Variants in CA10 observed in about 807,000 individuals in gnomAD.
CA10 encodes carbonic anhydrase-related protein 10.
Under a neutral mutation model 44.2 loss-of-function variants are expected in CA10, and 14 were observed. The ratio of observed to expected loss-of-function variants is 0.32; its 90% CI spans 0.21 to 0.50. The LOEUF is 0.50. Among genes scored for constraint, CA10 ranks in the 20% least tolerant of loss-of-function variants. The pLI is 0.99. For missense variants in CA10, 350 were observed against 409.7 expected, an observed-to-expected ratio of 0.85 and a Z score of 1.26; for synonymous variants, 159 against 141.6, an observed-to-expected ratio of 1.12 and a Z score of -0.87.
chr17:51,685,298 C>G (rs557368979), intron 4 of CA10, among the ~76,000 whole-genome samples: 264 of 152,242 alleles, frequency 1.7e-3, no homozygotes, highest in African/African-American at 6.1e-3. Context: ...TTGAGACTCT[C>G]TCTGTGTCAT....
intron 6 of CA10, among the ~76,000 whole-genome samples, chr17:51,643,738 A>C (rs145967120): frequency 1.3e-5 from 2 of 152,208 alleles, no homozygotes; most frequent in Non-Finnish European, 2.9e-5. Context: ...GCATCATAGC[A>C]ACCTGCCTCC....
intron 3 of CA10, among the ~76,000 whole-genome samples, chr17:51,788,190 A>G (rs558426197): frequency 6.6e-6 from 1 of 151,956 alleles, no homozygotes; most frequent in Admixed American, 6.5e-5. Flanking sequence ...TTCCTTCTGA[A>G]TTTCTTTATT....
At chr17:51,961,290 G>A (rs1490138361) in intron 2 of CA10, among the ~76,000 whole-genome samples, 1 of 151,440 alleles carries the variant, frequency 6.6e-6, no homozygotes, top group Non-Finnish European at 1.5e-5. Context: ...TGCATTTAAA[G>A]CTTTAGAGAA....
rs774875297 is a variant in CA10 at position 51,653,754 on chromosome 17, CAAG to C, written c.466-21_466-19del. On this transcript the variant is annotated intron_variant, in intron 4 of 8. Coordinates refer to ENST00000451037, the MANE Select transcript of CA10 (RefSeq NM_020178.5). ...AGCTGCACCTGGCAGGAGGGAAAAA[CAAG>C]AATCAGAACAATAATCCAACATTAA... The C allele has an allele frequency of 1.0e-5, 15 of 1,441,266 alleles. No individual in the cohort carries two copies. The African/African-American group carries it at 1.4e-4, about 13-fold the overall frequency. The allele number at this position is 1,441,266 out of a possible 1,614,324, so 89.3% of individuals were successfully genotyped here. A position where few individuals can be genotyped will look rare whatever the true frequency, so the allele number is the denominator to read the frequency against.
intron 2 of CA10, among the ~76,000 whole-genome samples, chr17:51,990,801 T>C (rs1363225234): frequency 6.6e-6 from 1 of 152,128 alleles, no homozygotes; most frequent in East Asian, 1.9e-4. Flanking sequence ...GGAAGTTCTT[T>C]GTACCCTTAG....
chr17:51,640,452 T>C (rs1393476341), intron 6 of CA10, among the ~76,000 whole-genome samples: 1 of 152,182 alleles, frequency 6.6e-6, no homozygotes, highest in Non-Finnish European at 1.5e-5. Flanking sequence ...CATGTTTCCA[T>C]ACCAAAGACT....
intron 2 of CA10, among the ~76,000 whole-genome samples, chr17:52,063,191 A>AC (rs1987437624): frequency 6.6e-6 from 1 of 152,206 alleles, no homozygotes; most frequent in Admixed American, 6.5e-5. Flanking sequence ...GAGAATGTTT[A>AC]CCTAATGCCT....
intron 1 of CA10, among the ~76,000 whole-genome samples, chr17:52,139,982 C>T (rs1263960404): frequency 6.6e-6 from 1 of 152,106 alleles, no homozygotes; most frequent in Non-Finnish European, 1.5e-5. Flanking sequence ...CCCACCACCA[C>T]CTTCTCTCAA....
chr17:51,918,185 A>T (rs1982080437), intron 3 of CA10, among the ~76,000 whole-genome samples: 1 of 152,246 alleles, frequency 6.6e-6, no homozygotes, highest in Admixed American at 6.5e-5. Flanking sequence ...AAATAGCAAC[A>T]TACTAAGTAT....
At chr17:51,634,400 C>T (rs955173409) in intron 7 of CA10, among the ~76,000 whole-genome samples, 1 of 152,164 alleles carries the variant, frequency 6.6e-6, no homozygotes, top group African/African-American at 2.4e-5. Context: ...TCAAATTGTT[C>T]AAATGGTGGT....
At chr17:52,058,172 G>T (rs1223050259) in intron 2 of CA10, among the ~76,000 whole-genome samples, 3 of 152,086 alleles carry the variant, frequency 2.0e-5, no homozygotes, top group Non-Finnish European at 4.4e-5. Flanking sequence ...AGCCTTACAC[G>T]TGCCTCCCTG....
At chr17:51,887,807 T>C (rs1043832280) in intron 3 of CA10, among the ~76,000 whole-genome samples, 4 of 141,538 alleles carry the variant, frequency 2.8e-5, no homozygotes, top group Non-Finnish European at 6.1e-5. Flanking sequence ...CTGGCCAAGA[T>C]GGTGAAACCC....
chr17:52,096,602 A>G (rs1469667975), intron 1 of CA10, among the ~76,000 whole-genome samples: 2 of 152,312 alleles, frequency 1.3e-5, no homozygotes, highest in East Asian at 1.9e-4. Context: ...AGGCAATAAC[A>G]TAATAGACAC....
chr17:51,856,761 C>T (rs1254911811), intron 3 of CA10, among the ~76,000 whole-genome samples: 1 of 152,110 alleles, frequency 6.6e-6, no homozygotes, highest in African/African-American at 2.4e-5. Flanking sequence ...GAAAGGTTAT[C>T]TGGAGGTCTG....
intron 1 of CA10, among the ~76,000 whole-genome samples, chr17:52,149,569 TC>T (rs1391301389): frequency 1.3e-5 from 2 of 152,164 alleles, no homozygotes; most frequent in African/African-American, 4.8e-5. Context: ...CCTTTAAAGG[TC>T]TGTTTAAGGT....
chr17:51,667,568 C>CAA lies in CA10; in HGVS notation c.466-13834_466-13833dup, dbSNP rs35051892. Among the ~76,000 whole-genome samples the CAA allele has an allele frequency of 6.8e-3, 993 of 146,130 alleles. 7 individuals are homozygous for CAA. Among genetic ancestry groups the CAA allele is most frequent in the Non-Finnish European group, 0.011 (707 of 66,394 alleles). On this transcript the variant is annotated intron_variant, in intron 4 of 8. Coordinates refer to ENST00000451037, the MANE Select transcript of CA10 (RefSeq NM_020178.5). ...GTGCTACATATTTCTGCTGAGCAAG[C>CAA]AAAAAAAAAAAAAATGACCTTGGGT... is the stretch of plus-strand genomic sequence containing the variant.
intron 2 of CA10, among the ~76,000 whole-genome samples, chr17:52,060,654 G>C (rs575343237): frequency 9.9e-5 from 15 of 152,038 alleles, no homozygotes; most frequent in Non-Finnish European, 2.2e-4. Context: ...CTAGAGAGAA[G>C]ATAGATTTGT....
intron 1 of CA10, among the ~76,000 whole-genome samples, chr17:52,152,517 T>A (rs1989724591): frequency 6.6e-6 from 1 of 152,136 alleles, no homozygotes; most frequent in Admixed American, 6.5e-5. Context: ...ATACTCCTTT[T>A]CTTTCATGTC....
At chr17:51,710,421 G>T (rs776675314) in intron 4 of CA10, among the ~76,000 whole-genome samples, 3 of 152,124 alleles carry the variant, frequency 2.0e-5, no homozygotes, top group Non-Finnish European at 4.4e-5. Flanking sequence ...TCTCTCCAGA[G>T]CAATTTTAAA....
Sources: allele counts gnomAD v4.1 joint callset (sites outside exome capture counted in the v4.1 genomes callset), GRCh38; gene constraint gnomAD v4.1.1; transcripts MANE v1.5; gene names NCBI Gene and HGNC (gene_info 2026-07-23, HGNC 2026-07-21).